The following CTNNA3 variants were observed in gnomAD, a reference collection of about 807,000 sequenced individuals.
The protein encoded by CTNNA3 is catenin alpha-3.
In CTNNA3, 76 loss-of-function variants were observed where a neutral mutation model predicts 95.7. That is an observed-to-expected ratio of 0.79 (90% CI 0.66 to 0.96). The LOEUF (loss-of-function observed/expected upper bound fraction) is 0.96, where lower values mean the gene tolerates loss of function less well. Ranked by LOEUF, CTNNA3 falls within the 40% of genes least tolerant of loss-of-function variation. The pLI is 0.00. For missense variants in CTNNA3, 1,191 were observed against 1,089.8 expected (o/e 1.09, Z -1.31); for synonymous variants, 431 against 374.4 (o/e 1.15, Z -1.74).
intron 15 of CTNNA3, among the ~76,000 whole-genome samples, chr10:66,003,526 G>A (rs1021961306): frequency 6.6e-6 from 1 of 151,892 alleles, no homozygotes; most frequent in Non-Finnish European, 1.5e-5. Flanking sequence ...TCATGGAGGG[G>A]GAAAAATCCC....
chr10:66,632,700 A>G (rs1845187522), intron 9 of CTNNA3, among the ~76,000 whole-genome samples: 2 of 152,070 alleles, frequency 1.3e-5, no homozygotes, highest in African/African-American at 4.8e-5. Context: ...AGAAAAGTGC[A>G]ATTATGTAAA....
intron 5 of CTNNA3, among the ~76,000 whole-genome samples, chr10:67,412,763 T>G (rs574809749): frequency 1.3e-5 from 2 of 152,154 alleles, no homozygotes; most frequent in East Asian, 1.9e-4. Context: ...AAACTAAGCT[T>G]CATAACTGAA....
At chr10:66,746,364 C>A (rs991947874) in intron 9 of CTNNA3, among the ~76,000 whole-genome samples, 2 of 152,148 alleles carry the variant, frequency 1.3e-5, no homozygotes, top group Non-Finnish European at 2.9e-5. Flanking sequence ...GCTCTACTAT[C>A]TTCTAACAGT....
chr10:67,044,200 G>GAAAAA (rs1258142471), intron 7 of CTNNA3, among the ~76,000 whole-genome samples: 3 of 151,902 alleles, frequency 2.0e-5, no homozygotes, highest in Non-Finnish European at 4.4e-5. Context: ...TAATATTAAA[G>GAAAAA]AAAAAATATG....
chr10:66,602,534 G>T (rs986729189), intron 10 of CTNNA3, among the ~76,000 whole-genome samples: 16 of 151,696 alleles, frequency 1.1e-4, no homozygotes, highest in Admixed American at 7.2e-4. Context: ...ACATACTTTA[G>T]AAAATGCTGC....
intron 9 of CTNNA3, among the ~76,000 whole-genome samples, chr10:66,678,877 G>A (rs79242974): frequency 6.6e-6 from 1 of 152,038 alleles, no homozygotes; most frequent in East Asian, 1.9e-4. Context: ...TGTGTTTGGT[G>A]GGAGAAAGGC....
At chr10:66,043,391 C>T (rs1289438176) in intron 15 of CTNNA3, among the ~76,000 whole-genome samples, 1 of 152,112 alleles carries the variant, frequency 6.6e-6, no homozygotes. Flanking sequence ...TGTGGAGTTA[C>T]TCATGTCTTT....
intron 12 of CTNNA3, among the ~76,000 whole-genome samples, chr10:66,292,461 T>C (rs2091699134): frequency 6.6e-6 from 1 of 152,132 alleles, no homozygotes; most frequent in African/African-American, 2.4e-5. Context: ...AAGTTATCAT[T>C]GAATCAGTTG....
chr10:66,177,534 G>A (rs1223680141), intron 13 of CTNNA3, among the ~76,000 whole-genome samples: 4 of 151,530 alleles, frequency 2.6e-5, no homozygotes, highest in African/African-American at 4.8e-5. Flanking sequence ...AATTCTAGAC[G>A]AACGATAAAA....
At chr10:65,951,076 T>A (rs2077602453) in intron 17 of CTNNA3, among the ~76,000 whole-genome samples, 1 of 152,216 alleles carries the variant, frequency 6.6e-6, no homozygotes, top group Admixed American at 6.5e-5. Context: ...TGTACTTTTT[T>A]CTAGGTTTGC....
At chr10:67,750,644 A>AT (rs1841402066) in intron 1 of CTNNA3, 1 of 1,547,692 alleles carries the variant, frequency 6.5e-7, no homozygotes, top group Non-Finnish European at 8.9e-7. Flanking sequence ...TCTGGGGATG[A>AT]TTTTTTCCGC....
rs181622881 is a variant in CTNNA3, at chr10:66,558,260, C to T, written c.1375-37487G>A. ...GTTATGCTTGTAAGAGCCATCTCTC[C>T]GGTTGCCAACTCCAATCTTTTACAA... On this transcript the variant is annotated intron_variant, in intron 10 of 17. Coordinates refer to ENST00000433211, the MANE Select transcript of CTNNA3 (RefSeq NM_013266.4). Among the ~76,000 whole-genome samples, 19 of 152,198 alleles carry T rather than the reference C, an allele frequency of 1.2e-4. No homozygotes were observed. In the East Asian group the frequency reaches 2.9e-3, roughly 23 times the overall value.
rs369307189 is a variant in CTNNA3 at position 67,019,470 on chromosome 10, G to A, written c.1047+160847C>T. ...CGACCTCAGGTGATCCCCCTGCCTC[G>A]GCCTCCCAAAGTGCTAGGATTACAG... On this transcript the variant is annotated intron_variant, in intron 7 of 17. Transcript: ENST00000433211. Among the ~76,000 whole-genome samples the A allele has an allele frequency of 3.3e-5, 5 of 152,152 alleles. No homozygotes were observed. In the East Asian group the frequency reaches 7.7e-4, roughly 24 times the overall value.
At chr10:66,917,347 G>A (rs1267933062) in intron 7 of CTNNA3, among the ~76,000 whole-genome samples, 2 of 152,164 alleles carry the variant, frequency 1.3e-5, no homozygotes, top group Non-Finnish European at 2.9e-5. Flanking sequence ...TAAGGGAACT[G>A]TTCAACTGGG....
chr10:67,315,777 AGAG>A (rs1167412280), intron 5 of CTNNA3, among the ~76,000 whole-genome samples: 3 of 152,294 alleles, frequency 2.0e-5, no homozygotes, highest in Non-Finnish European at 4.4e-5. Context: ...ATCAAAAATC[AGAG>A]GAGGGGGAGG....
intron 9 of CTNNA3, among the ~76,000 whole-genome samples, chr10:66,709,423 T>A (rs1395507071): frequency 6.6e-6 from 1 of 151,966 alleles, no homozygotes; most frequent in Admixed American, 6.6e-5. Flanking sequence ...TCAGATGAAA[T>A]GGAAGCATAA....
At chr10:67,717,153 C>G (rs1212561388) in intron 1 of CTNNA3, among the ~76,000 whole-genome samples, 1 of 152,184 alleles carries the variant, frequency 6.6e-6, no homozygotes, top group Non-Finnish European at 1.5e-5. Flanking sequence ...CCTTTGCCCA[C>G]TTTTTGATGG....
intron 11 of CTNNA3, among the ~76,000 whole-genome samples, chr10:66,477,553 C>T (rs1300032142): frequency 6.6e-6 from 1 of 151,958 alleles, no homozygotes; most frequent in East Asian, 1.9e-4. Flanking sequence ...AAACTCATGG[C>T]AGGAGAGTAC....
intron 7 of CTNNA3, among the ~76,000 whole-genome samples, chr10:66,822,904 C>T (rs1228893147): frequency 6.6e-6 from 1 of 152,170 alleles, no homozygotes; most frequent in Non-Finnish European, 1.5e-5. Flanking sequence ...CTTCCTGCTG[C>T]TCTGAAACAT....
Sources: allele counts gnomAD v4.1 joint callset (sites outside exome capture counted in the v4.1 genomes callset), GRCh38; gene constraint gnomAD v4.1.1; transcripts MANE v1.5; gene names NCBI Gene and HGNC (gene_info 2026-07-23, HGNC 2026-07-21).